Variants in CHST9 observed in about 807,000 individuals in gnomAD.
CHST9 encodes the protein GalNAc-4-sulfotransferase 2.
In CHST9, 41 loss-of-function variants were observed where a neutral mutation model predicts 44.4. The ratio of observed to expected loss-of-function variants is 0.92; its 90% CI spans 0.72 to 1.20. CHST9 has a LOEUF of 1.20. CHST9 is among the 50% of genes most tolerant of loss of function. The pLI is 0.00. For synonymous variants in CHST9, 171 were observed against 178.4 expected (o/e 0.96, Z 0.33); for missense variants, 504 against 516.5 (o/e 0.98, Z 0.23).
Position 26,915,286 on chromosome 18 carries a change from C to T in CHST9, c.*973G>A, listed in dbSNP as rs2055499647. 1 of 277,072 alleles carries T rather than the reference C, an allele frequency of 3.6e-6. No homozygotes were observed. Among genetic ancestry groups the T allele is most frequent in the African/African-American group, 2.2e-5 (1 of 46,086 alleles). The allele number at this position is 277,072 out of a possible 1,614,324, so 17.2% of individuals were successfully genotyped here. A position where few individuals can be genotyped will look rare whatever the true frequency, so the allele number is the denominator to read the frequency against. On this transcript the variant is annotated 3_prime_UTR_variant, in exon 6 of 6. Coordinates refer to ENST00000618847, the MANE Select transcript of CHST9 (RefSeq NM_031422.6). ...GTCATTCCTAAGCTGAATAATTAAA[C>T]TGAAAACAAAAGCTATTCTTAGGGT...
intron 4 of CHST9, among the ~76,000 whole-genome samples, chr18:26,966,577 C>T (rs1439403446): frequency 6.6e-6 from 1 of 152,166 alleles, no homozygotes; most frequent in African/African-American, 2.4e-5. Context: ...CTCTCTCTTA[C>T]TACACACACG....
At chr18:27,095,752 A>T (rs1406981500) in intron 2 of CHST9, among the ~76,000 whole-genome samples, 1 of 152,154 alleles carries the variant, frequency 6.6e-6, no homozygotes, top group African/African-American at 2.4e-5. Flanking sequence ...CTAAAAATAT[A>T]CACACCTAAA....
At chr18:26,935,210 T>C (rs1055799482) in intron 5 of CHST9, 2 of 152,220 alleles carry the variant, frequency 1.3e-5, no homozygotes, top group African/African-American at 4.8e-5. Context: ...CAGATGAGGC[T>C]TTATTGTAAT....
At chr18:27,158,903 C>T (rs1474356378) in intron 1 of CHST9, among the ~76,000 whole-genome samples, 1 of 152,254 alleles carries the variant, frequency 6.6e-6, no homozygotes, top group Non-Finnish European at 1.5e-5. Flanking sequence ...TAAATGTCTT[C>T]TTTTGAGAAG....
chr18:27,012,836 T>C (rs997288687), intron 4 of CHST9, among the ~76,000 whole-genome samples: 16 of 152,218 alleles, frequency 1.1e-4, no homozygotes, highest in African/African-American at 3.9e-4. Context: ...GTTTTGGACA[T>C]GCGGCTAAAA....
intron 4 of CHST9, among the ~76,000 whole-genome samples, chr18:26,951,693 G>A (rs2056250620): frequency 6.6e-6 from 1 of 152,114 alleles, no homozygotes; most frequent in Non-Finnish European, 1.5e-5. Context: ...TAAATCTTTT[G>A]TTTTAATAAA....
chr18:27,024,311 TC>T (rs2057259612), intron 3 of CHST9, among the ~76,000 whole-genome samples, 154 bp from the exon 4 acceptor site: 2 of 152,172 alleles, frequency 1.3e-5, no homozygotes, highest in African/African-American at 2.4e-5. Context: ...AAATGTGTCA[TC>T]CCCTGTGTTT....
At chr18:27,096,378 A>G (rs2058116951) in intron 2 of CHST9, among the ~76,000 whole-genome samples, 1 of 151,992 alleles carries the variant, frequency 6.6e-6, no homozygotes, top group African/African-American at 2.4e-5. Flanking sequence ...GGAACTAGAA[A>G]ACAACAGGAA....
chr18:27,060,007 G>T (rs1312584673), intron 2 of CHST9, among the ~76,000 whole-genome samples: 2 of 152,192 alleles, frequency 1.3e-5, no homozygotes, highest in African/African-American at 4.8e-5. Context: ...CATAAACTTG[G>T]TTGAATGGAG....
At chr18:26,962,213 C>T (rs1400506728) in intron 4 of CHST9, among the ~76,000 whole-genome samples, 1 of 152,142 alleles carries the variant, frequency 6.6e-6, no homozygotes, top group African/African-American at 2.4e-5. Context: ...GTTAATGACT[C>T]TCCTGTTACT....
At chr18:27,001,062 C>G (rs1427426632) in intron 4 of CHST9, among the ~76,000 whole-genome samples, 2 of 152,146 alleles carry the variant, frequency 1.3e-5, no homozygotes, top group Non-Finnish European at 2.9e-5. Context: ...AGATTACCAT[C>G]AGAAGGCACA....
chr18:27,040,472 G>T (rs1163880109), intron 3 of CHST9, among the ~76,000 whole-genome samples: 2 of 152,080 alleles, frequency 1.3e-5, no homozygotes, highest in African/African-American at 4.8e-5. Context: ...CCCCACAACA[G>T]GTACCTCCCT....
At chr18:26,954,078 C>A (rs1190772176) in intron 4 of CHST9, among the ~76,000 whole-genome samples, 1 of 152,084 alleles carries the variant, frequency 6.6e-6, no homozygotes, top group Admixed American at 6.6e-5. Flanking sequence ...CCCCTCTTTT[C>A]ACCATCAAAT....
chr18:26,951,606 G>A (rs1270503745), intron 4 of CHST9, among the ~76,000 whole-genome samples: 10 of 152,014 alleles, frequency 6.6e-5, no homozygotes, highest in Admixed American at 5.2e-4. Flanking sequence ...TCTTTTCTAG[G>A]TATCTCAGTA....
intron 2 of CHST9, among the ~76,000 whole-genome samples, chr18:27,091,120 T>C (rs919735751): frequency 6.6e-6 from 1 of 152,214 alleles, no homozygotes; most frequent in Non-Finnish European, 1.5e-5. Flanking sequence ...CTTTATTTCA[T>C]TGAGCAGTGG....
chr18:26,934,347 G>C (rs1280118200), intron 5 of CHST9: 1 of 151,158 alleles, frequency 6.6e-6, no homozygotes, highest in Non-Finnish European at 1.5e-5. Context: ...CCATTCTCCT[G>C]CCTCAGCCTC....
intron 2 of CHST9, among the ~76,000 whole-genome samples, chr18:27,140,629 C>T (rs542504663): frequency 6.6e-5 from 10 of 152,122 alleles, no homozygotes; most frequent in African/African-American, 1.9e-4. Context: ...TTTCTTCTTC[C>T]TTTGCTGTAT....
chr18:26,944,537 A>T (rs1165068120), intron 4 of CHST9, among the ~76,000 whole-genome samples, 171 bp from the exon 5 acceptor site: 1 of 152,206 alleles, frequency 6.6e-6, no homozygotes, highest in East Asian at 1.9e-4. Flanking sequence ...CTGGGGAAAA[A>T]AAGCCAAAAC....
intron 4 of CHST9, among the ~76,000 whole-genome samples, chr18:26,991,312 G>T (rs543009835): frequency 3.9e-5 from 6 of 152,218 alleles, no homozygotes; most frequent in East Asian, 3.9e-4. Context: ...AGAAAGAAAA[G>T]AATCAAAGAT....
Sources: gnomAD v4.1 joint callset for allele counts (sites outside exome capture counted in the v4.1 genomes callset) on GRCh38, gnomAD v4.1.1 for gene constraint, MANE v1.5 for transcripts, NCBI Gene and HGNC (gene_info 2026-07-23, HGNC 2026-07-21) for gene names.